Variants in ADAMTSL1 observed in about 807,000 individuals in gnomAD.
ADAMTSL1 encodes the protein ADAMTS-like protein 1.
ADAMTSL1 carries 126 observed loss-of-function variants against 201.8 expected under a neutral mutation model. That is an observed-to-expected ratio of 0.62 (90% CI 0.54 to 0.72). The LOEUF is 0.72. ADAMTSL1 is among the 30% of genes least tolerant of loss of function. ADAMTSL1 has a pLI of 0.00. For missense variants in ADAMTSL1, 2,679 were observed against 2,277.8 expected (o/e 1.18, Z -3.59); for synonymous variants, 1,121 against 903.4 (o/e 1.24, Z -4.32).
intron 1 of ADAMTSL1, among the ~76,000 whole-genome samples, chr9:17,968,524 G>A (rs1189843102): frequency 1.3e-5 from 2 of 152,058 alleles, no homozygotes; most frequent in African/African-American, 4.8e-5. Context: ...AGTGTGCATT[G>A]TTTCATCTGG....
chr9:18,086,050 C>T (rs10963440), intron 1 of ADAMTSL1, among the ~76,000 whole-genome samples: 1 of 152,030 alleles, frequency 6.6e-6, no homozygotes, highest in Non-Finnish European at 1.5e-5. Flanking sequence ...CTTTTGCCCT[C>T]AGCAGCTAGC....
chr9:18,361,424 T>A (rs1042159994), intron 2 of ADAMTSL1, among the ~76,000 whole-genome samples: 2 of 152,240 alleles, frequency 1.3e-5, no homozygotes, highest in African/African-American at 4.8e-5. Flanking sequence ...CTAATACTTA[T>A]ATGATTCCTT....
chr9:18,399,363 A>T (rs1817893040), intron 2 of ADAMTSL1, among the ~76,000 whole-genome samples: 2 of 138,548 alleles, frequency 1.4e-5, no homozygotes, highest in Admixed American at 1.5e-4. Context: ...TTTTTGAGAC[A>T]AAGTCTTGCT....
intron 1 of ADAMTSL1, among the ~76,000 whole-genome samples, chr9:18,155,474 A>T (rs1198329742): frequency 6.6e-6 from 1 of 151,984 alleles, no homozygotes. Flanking sequence ...CCAACCTGCG[A>T]CCCATGGGCC....
intron 13 of ADAMTSL1, among the ~76,000 whole-genome samples, chr9:18,698,655 A>G (rs1006905804): frequency 5.9e-5 from 9 of 152,202 alleles, no homozygotes; most frequent in Non-Finnish European, 8.8e-5. Context: ...ACTGAGAAGG[A>G]AGTAACCAGA....
At chr9:18,345,118 C>T (rs114821933) in intron 2 of ADAMTSL1, among the ~76,000 whole-genome samples, 59 of 152,224 alleles carry the variant, frequency 3.9e-4, no homozygotes, top group African/African-American at 1.4e-3. Flanking sequence ...TTCACTCTGA[C>T]TTCCAGTTCC....
In ADAMTSL1 at chr9:18,682,003, T is replaced by C. The variant is rs752891238; in HGVS notation, c.1489+44T>C. The C allele has an allele frequency of 6.3e-6, 10 of 1,595,258 alleles. No homozygotes were observed. The South Asian group carries it at 6.7e-5, about 11-fold the overall frequency. On this transcript the variant is annotated intron_variant, in intron 12 of 28. Coordinates refer to ENST00000380548, the MANE Select transcript of ADAMTSL1 (RefSeq NM_001040272.6). ...TATTACCAGCCTGTTAATTGTTGTG[T>C]GTAGTCAGGTGTGTTTTAAACTCCT...
At chr9:18,250,409 G>A (rs1333307602) in intron 2 of ADAMTSL1, among the ~76,000 whole-genome samples, 1 of 152,296 alleles carries the variant, frequency 6.6e-6, no homozygotes, top group East Asian at 1.9e-4. Context: ...TGAGGACTGT[G>A]GTTCTCTTGA....
intron 1 of ADAMTSL1, among the ~76,000 whole-genome samples, chr9:18,094,363 C>A (rs1281554680): frequency 2.0e-5 from 3 of 152,198 alleles, no homozygotes; most frequent in Non-Finnish European, 4.4e-5. Flanking sequence ...TATACTACCA[C>A]TGTGTGGTTC....
chr9:18,065,590 A>G (rs563370909), intron 1 of ADAMTSL1, among the ~76,000 whole-genome samples: 1 of 152,334 alleles, frequency 6.6e-6, no homozygotes, highest in African/African-American at 2.4e-5. Context: ...ACACAGGGGT[A>G]ATAAAATGAC....
intron 2 of ADAMTSL1, among the ~76,000 whole-genome samples, chr9:18,243,696 AT>A (rs1428748294): frequency 6.6e-6 from 1 of 151,676 alleles, no homozygotes; most frequent in African/African-American, 2.4e-5. Flanking sequence ...CAACTATGAC[AT>A]CTTGGTAAAC....
chr9:18,892,950 T>C (rs1829382972), intron 26 of ADAMTSL1, among the ~76,000 whole-genome samples: 1 of 151,952 alleles, frequency 6.6e-6, no homozygotes, highest in Admixed American at 6.6e-5. Context: ...GTTAACACAC[T>C]GTGGCCACCT....
At position 18,064,630 on chromosome 9, in the gene ADAMTSL1, C is replaced by T. The variant is rs565869174; in HGVS notation, c.88-99232C>T. 2.0e-5 allele frequency among the ~76,000 whole-genome samples: 3 copies of T among 152,144 alleles called. No individual in the cohort carries two copies. The South Asian group carries it at 6.2e-4, about 32-fold the overall frequency. On this transcript the variant is annotated intron_variant, in intron 1 of 29. Coordinates refer to the ADAMTSL1 transcript ENST00000680146. ...CTATAACATAAACCTAATACATGAA[C>T]ATTCATAAAGAGGTAGACGAGTTGA... is the stretch of plus-strand genomic sequence containing the variant.
intron 1 of ADAMTSL1, among the ~76,000 whole-genome samples, chr9:17,983,752 A>T (rs1818815824): frequency 6.6e-6 from 1 of 152,188 alleles, no homozygotes; most frequent in African/African-American, 2.4e-5. Context: ...CTAATTGATT[A>T]GTTTTATTGG....
intron 14 of ADAMTSL1, among the ~76,000 whole-genome samples, chr9:18,712,795 T>A (rs1372823263): frequency 6.6e-6 from 1 of 151,704 alleles, no homozygotes; most frequent in Non-Finnish European, 1.5e-5. Context: ...GACACATAAT[T>A]GTCAGATTCA....
At chr9:17,959,576 A>C (rs1281340938) in intron 1 of ADAMTSL1, among the ~76,000 whole-genome samples, 1 of 152,024 alleles carries the variant, frequency 6.6e-6, no homozygotes, top group South Asian at 2.1e-4. Context: ...CTCCTGCCTC[A>C]GCCTCCCAAG....
At chr9:18,000,493 C>A (rs1819567910) in intron 1 of ADAMTSL1, among the ~76,000 whole-genome samples, 1 of 151,916 alleles carries the variant, frequency 6.6e-6, no homozygotes, top group African/African-American at 2.4e-5. Context: ...TCCTCTGAGC[C>A]CAGTTTCTTG....
At chr9:18,828,074 A>G (rs1824697017) in intron 22 of ADAMTSL1, among the ~76,000 whole-genome samples, 1 of 152,244 alleles carries the variant, frequency 6.6e-6, no homozygotes, top group African/African-American at 2.4e-5. Context: ...GAAATGCAGT[A>G]AGGCAGACTT....
chr9:18,677,988 A>T (rs1387462513), intron 10 of ADAMTSL1, among the ~76,000 whole-genome samples: 1 of 152,096 alleles, frequency 6.6e-6, no homozygotes, highest in Non-Finnish European at 1.5e-5. Context: ...AAGGCCATTT[A>T]AATTATTTAA....
Sources: allele counts gnomAD v4.1 joint callset (sites outside exome capture counted in the v4.1 genomes callset), GRCh38; gene constraint gnomAD v4.1.1; transcripts MANE v1.5; gene names NCBI Gene and HGNC (gene_info 2026-07-23, HGNC 2026-07-21).